MIA2: variants seen among roughly 807,000 people sequenced by gnomAD.
The protein encoded by MIA2 is MIA SH3 domain ER export factor 2.
A neutral mutation model predicts 167.8 loss-of-function variants in MIA2; 127 were observed. That is an observed-to-expected ratio of 0.76 (90% CI 0.66 to 0.88). The LOEUF (loss-of-function observed/expected upper bound fraction) is 0.88, where lower values mean the gene tolerates loss of function less well. Among genes scored for constraint, MIA2 ranks in the 40% least tolerant of loss-of-function variants. The pLI is 0.00. For synonymous variants in MIA2, 552 were observed against 541.9 expected (o/e 1.02, Z -0.26); for missense variants, 1,690 against 1,624.7 (o/e 1.04, Z -0.69).
At chr14:39,362,554 C>T (rs2074707330) in intron 23 of MIA2, among the ~76,000 whole-genome samples, 1 of 151,854 alleles carries the variant, frequency 6.6e-6, no homozygotes, top group Admixed American at 6.6e-5. Context: ...TTCTGATTTT[C>T]TTTATTTGGG....
At position 39,248,142 on chromosome 14, in the gene MIA2, G is replaced by T; in HGVS notation, c.1567+1G>T. On this transcript the variant is annotated splice_donor_variant, in intron 4 of 28. Transcript: ENST00000640607. LOFTEE classifies it high-confidence loss of function. ...TTCAAAAGTTCATACAGTCTGTCAG[G>T]TTGGTATGAAAATATTTACATTAGA... 1 of 1,390,546 alleles carries T rather than the reference G, an allele frequency of 7.2e-7. No homozygotes were observed. The highest frequency in any genetic ancestry group is 9.6e-7 in the Non-Finnish European group (1 of 1,045,064). The allele number at this position is 1,390,546 out of a possible 1,614,324, so 86.1% of individuals were successfully genotyped here.
intron 20 of MIA2, 37 bp downstream of exon 20, chr14:39,314,836 G>GTA (rs57139462): frequency 3.5e-5 from 35 of 996,962 alleles, no homozygotes; most frequent in East Asian, 2.7e-4. Context: ...GTGTGTGTGT[G>GTA]TATATATATA....
At chr14:39,293,503 T>A in intron 11 of MIA2, 122 bp downstream of exon 11, 1 of 652,830 alleles carries the variant, frequency 1.5e-6, no homozygotes, top group Non-Finnish European at 2.5e-6. Context: ...CAGGTGGTTG[T>A]AGAGAGCAAA....
downstream of MIA2, among the ~76,000 whole-genome samples, chr14:39,353,125 G>T (rs2074433990): frequency 6.6e-6 from 1 of 152,118 alleles, no homozygotes; most frequent in African/African-American, 2.4e-5. Context: ...CATAGACTGT[G>T]TAATGATCAA....
At chr14:39,287,802 C>T (rs1450269706) in intron 9 of MIA2, among the ~76,000 whole-genome samples, 1 of 151,990 alleles carries the variant, frequency 6.6e-6, no homozygotes, top group Non-Finnish European at 1.5e-5. Context: ...ACCTCATGAT[C>T]TGCCCGCCTC....
chr14:39,330,342 A>C (rs1185201599), intron 25 of MIA2, among the ~76,000 whole-genome samples: 1 of 151,922 alleles, frequency 6.6e-6, no homozygotes, highest in African/African-American at 2.4e-5. Flanking sequence ...CCTTGCATCT[A>C]TTTGATTCTT....
At chr14:39,300,210 CTG>C (rs1306223654) in intron 14 of MIA2, among the ~76,000 whole-genome samples, 4 of 152,054 alleles carry the variant, frequency 2.6e-5, no homozygotes, top group Admixed American at 2.6e-4. Context: ...TTTTTCTTCT[CTG>C]TATTTTAGCC....
chr14:39,332,492 G>C (rs2069139601), intron 25 of MIA2, among the ~76,000 whole-genome samples: 1 of 152,176 alleles, frequency 6.6e-6, no homozygotes, highest in Non-Finnish European at 1.5e-5. Context: ...TGCTGCCAAG[G>C]AGTTGTGATC....
intron 13 of MIA2, among the ~76,000 whole-genome samples, chr14:39,295,613 G>T (rs1050381766): frequency 6.6e-6 from 1 of 151,970 alleles, no homozygotes; most frequent in Non-Finnish European, 1.5e-5. Flanking sequence ...AGGCTGGAGT[G>T]CAGTGGCGTG....
At chr14:39,313,311 A>G in intron 18 of MIA2, 29 bp from the exon 19 acceptor site, 2 of 1,202,724 alleles carry the variant, frequency 1.7e-6, no homozygotes, top group South Asian at 1.3e-5. Flanking sequence ...ACATGTATTA[A>G]GAGAATTATA....
intron 24 of MIA2, among the ~76,000 whole-genome samples, chr14:39,323,149 T>G (rs1474425309): frequency 1.3e-5 from 2 of 152,310 alleles, no homozygotes; most frequent in Non-Finnish European, 2.9e-5. Flanking sequence ...TGTATGGTCA[T>G]GAGATATTCT....
intron 13 of MIA2, among the ~76,000 whole-genome samples, chr14:39,297,815 A>T (rs575842634): frequency 4.6e-5 from 7 of 152,036 alleles, no homozygotes; most frequent in African/African-American, 1.2e-4. Flanking sequence ...ACTTTTGGCC[A>T]GTCCTCCTTT....
intron 9 of MIA2, among the ~76,000 whole-genome samples, chr14:39,288,187 C>T (rs1168555792): frequency 3.3e-5 from 5 of 151,488 alleles, no homozygotes; most frequent in Admixed American, 6.6e-5. Context: ...TTGGGCTGGA[C>T]GTGAGGGTGT....
At chr14:39,275,720 C>A (rs1162386895) in intron 6 of MIA2, among the ~76,000 whole-genome samples, 1 of 152,090 alleles carries the variant, frequency 6.6e-6, no homozygotes, top group African/African-American at 2.4e-5. Context: ...GTATTGAATG[C>A]CTTTTTTCCC....
At chr14:39,333,422 G>C (rs1023628227) in intron 25 of MIA2, among the ~76,000 whole-genome samples, 1 of 152,194 alleles carries the variant, frequency 6.6e-6, no homozygotes, top group Non-Finnish European at 1.5e-5. Flanking sequence ...CACATGTGTT[G>C]CTCTGGAGTC....
chr14:39,355,147 C>A (rs549837732), downstream of MIA2, among the ~76,000 whole-genome samples: 2 of 150,602 alleles, frequency 1.3e-5, no homozygotes, highest in Non-Finnish European at 3.0e-5. Flanking sequence ...TTACCTTGGG[C>A]AGTATGGCCA....
chr14:39,305,288 A>G (rs2063158877), intron 17 of MIA2, among the ~76,000 whole-genome samples: 1 of 152,226 alleles, frequency 6.6e-6, no homozygotes, highest in East Asian at 1.9e-4. Context: ...CATTGTACTA[A>G]AAACTATGGG....
chr14:39,296,657 T>C (rs1223163949), intron 13 of MIA2, among the ~76,000 whole-genome samples: 1 of 150,044 alleles, frequency 6.7e-6, no homozygotes, highest in Non-Finnish European at 1.5e-5. Flanking sequence ...TATTATACTC[T>C]AAGTTTTAGG....
At chr14:39,373,047 ATATT>A (rs2074978420) in intron 23 of MIA2, among the ~76,000 whole-genome samples, 1 of 152,174 alleles carries the variant, frequency 6.6e-6, no homozygotes, top group African/African-American at 2.4e-5. Context: ...ACAAAGACAA[ATATT>A]TAAGGTGATG....
Sources: gnomAD v4.1 joint callset for allele counts (sites outside exome capture counted in the v4.1 genomes callset) on GRCh38, gnomAD v4.1.1 for gene constraint, MANE v1.5 for transcripts, NCBI Gene and HGNC (gene_info 2026-07-23, HGNC 2026-07-21) for gene names.